TOX: variants seen among roughly 807,000 people sequenced by gnomAD.
TOX encodes thymocyte selection-associated high mobility group box protein TOX.
Under a neutral mutation model 53.7 loss-of-function variants are expected in TOX, and 11 were observed. The observed-to-expected ratio is 0.20, with a 90% confidence interval of 0.13 to 0.34. The LOEUF (loss-of-function observed/expected upper bound fraction) is 0.34. TOX is among the 10% of genes least tolerant of loss of function. The pLI, the probability that TOX is intolerant of heterozygous loss-of-function variation, is 1.00. For synonymous variants in TOX, 225 were observed against 245.3 expected (o/e 0.92, Z 0.77); for missense variants, 570 against 664.6 (o/e 0.86, Z 1.56).
rs185878695 is a variant in TOX at position 58,828,432 on chromosome 8, T to C, written c.925-1530A>G. Among the ~76,000 whole-genome samples the C allele has an allele frequency of 3.3e-3, 500 of 151,976 alleles. 1 individual carries two copies. The highest frequency in any genetic ancestry group is 0.011 in the African/African-American group (460 of 41,518). ...TAGTACAATATTATCATATAATCAA[T>C]GTGCCATCATCCTAAGTATGAAACT... On this transcript the variant is annotated intron_variant, in intron 5 of 8. Coordinates refer to ENST00000361421, the MANE Select transcript of TOX (RefSeq NM_014729.3).
At chr8:58,928,693 G>A (rs1031500366) in intron 3 of TOX, among the ~76,000 whole-genome samples, 6 of 151,808 alleles carry the variant, frequency 4.0e-5, no homozygotes, top group Non-Finnish European at 8.8e-5. Flanking sequence ...TAATAATTTT[G>A]TCTCTTGATA....
intron 1 of TOX, among the ~76,000 whole-genome samples, chr8:59,052,665 C>T (rs746083440): frequency 6.6e-6 from 1 of 152,132 alleles, no homozygotes; most frequent in African/African-American, 2.4e-5. Flanking sequence ...TCACTGGGAC[C>T]GAACTCCATT....
At chr8:58,839,550 G>GAT (rs1344955448) in intron 4 of TOX, among the ~76,000 whole-genome samples, 1 of 152,178 alleles carries the variant, frequency 6.6e-6, no homozygotes, top group Non-Finnish European at 1.5e-5. Flanking sequence ...AACTAGATGT[G>GAT]ATATCAATTC....
intron 1 of TOX, among the ~76,000 whole-genome samples, chr8:59,085,651 G>T (rs919137122): frequency 3.9e-5 from 6 of 152,190 alleles, no homozygotes; most frequent in African/African-American, 1.4e-4. Flanking sequence ...GCCTTCCATT[G>T]TTCTGGCATT....
intron 3 of TOX, among the ~76,000 whole-genome samples, chr8:58,899,389 AT>A (rs1246996503): frequency 2.0e-5 from 3 of 152,164 alleles, no homozygotes; most frequent in African/African-American, 7.2e-5. Context: ...AAAGATATAA[AT>A]TCTCTCTCTT....
chr8:59,118,877 A>C lies in TOX; in HGVS notation c.102+9T>G. ...AAGAACACGGTGGAAACAAAAGCAG[A>C]GCGTTCACCTTGTTGCAATAGTAGG... On this transcript the variant is annotated intron_variant, in intron 1 of 8. Transcript: ENST00000361421. The surrounding 1 kb of genome is among the most constrained non-coding windows in gnomAD (Gnocchi z 4.1). 1 of 1,572,630 alleles carries C rather than the reference A, an allele frequency of 6.4e-7. No homozygotes were observed.
At chr8:59,085,983 T>TC (rs201541964) in intron 1 of TOX, among the ~76,000 whole-genome samples, 40 of 88,918 alleles carry the variant, frequency 4.5e-4, no homozygotes, top group African/African-American at 2.3e-3. Context: ...TCTTTTCTTT[T>TC]TTTTTTTTTT....
chr8:59,031,545 G>A (rs1814356745), intron 1 of TOX, among the ~76,000 whole-genome samples: 1 of 152,196 alleles, frequency 6.6e-6, no homozygotes. Flanking sequence ...TTCTAGTGGG[G>A]AGAGGCAAAC....
chr8:58,903,664 G>A (rs1385422053), intron 3 of TOX, among the ~76,000 whole-genome samples: 1 of 152,136 alleles, frequency 6.6e-6, no homozygotes, highest in Non-Finnish European at 1.5e-5. Context: ...AAGTCTCACT[G>A]AATTGAGGGT....
intron 3 of TOX, among the ~76,000 whole-genome samples, chr8:58,855,167 G>A (rs374837008): frequency 1.5e-4 from 22 of 151,658 alleles, no homozygotes; most frequent in Admixed American, 6.6e-4. Context: ...TTTCTACAAC[G>A]TCCCACCTCT....
Position 58,944,520 on chromosome 8 carries a change from T to C in TOX, c.169-4976A>G, listed in dbSNP as rs193172171. Among the ~76,000 whole-genome samples, 59 of 152,332 alleles carry C rather than the reference T, an allele frequency of 3.9e-4. 1 individual carries two copies. In the East Asian group the frequency reaches 0.01, roughly 27 times the overall value. ...ACTAGGCGAGAATACGCATGACTTC[T>C]TCAGTGACTGTTAAGAATGGCCACT... On this transcript the variant is annotated intron_variant, in intron 2 of 8. Transcript: ENST00000361421.
intron 3 of TOX, among the ~76,000 whole-genome samples, chr8:58,856,271 T>C (rs997876376): frequency 1.8e-4 from 27 of 152,200 alleles, no homozygotes; most frequent in Non-Finnish European, 3.5e-4. Flanking sequence ...ACTTTCTTTA[T>C]GGGACACCAC....
intron 3 of TOX, among the ~76,000 whole-genome samples, chr8:58,887,800 C>A (rs959440236): frequency 1.3e-5 from 2 of 151,758 alleles, no homozygotes; most frequent in Non-Finnish European, 2.9e-5. Context: ...GGTTTTTATA[C>A]GTTTTATATA....
intron 1 of TOX, among the ~76,000 whole-genome samples, chr8:59,057,619 C>T (rs1040880499): frequency 6.6e-6 from 1 of 152,116 alleles, no homozygotes; most frequent in African/African-American, 2.4e-5. Context: ...TCTCCGCCCC[C>T]CGCCTTTCAG....
chr8:58,865,536 G>A (rs1585867972), intron 3 of TOX, among the ~76,000 whole-genome samples: 1 of 151,872 alleles, frequency 6.6e-6, no homozygotes, highest in East Asian at 1.9e-4. Flanking sequence ...GATTTCAAGA[G>A]AATAAATTTT....
chr8:58,934,265 A>G (rs1332052814), intron 3 of TOX, among the ~76,000 whole-genome samples: 1 of 152,226 alleles, frequency 6.6e-6, no homozygotes, highest in Non-Finnish European at 1.5e-5. Context: ...AGGAATCCCT[A>G]CTAACAATAA....
chr8:59,078,015 G>A (rs1191881059), intron 1 of TOX, among the ~76,000 whole-genome samples: 2 of 151,808 alleles, frequency 1.3e-5, no homozygotes, highest in Non-Finnish European at 1.5e-5. Flanking sequence ...GAAAAATGAA[G>A]AAAAAAGGAA....
chr8:58,939,875 G>A (rs1812407064), intron 2 of TOX, among the ~76,000 whole-genome samples: 1 of 152,198 alleles, frequency 6.6e-6, no homozygotes, highest in African/African-American at 2.4e-5. Flanking sequence ...TTGTACGGAA[G>A]GAAGGCAATT....
rs569568898 is a variant in TOX at position 58,944,233 on chromosome 8, G to A, written c.169-4689C>T. On this transcript the variant is annotated intron_variant, in intron 2 of 8. Transcript: ENST00000361421. ...AAGCAGGATCCCAGCGCCACTGAATGTGGGTTAGAGTGGAGTGAACTACCA... is the reference window on the plus strand; with the variant it reads ...AAGCAGGATCCCAGCGCCACTGAATATGGGTTAGAGTGGAGTGAACTACCA... 3.3e-5 allele frequency among the ~76,000 whole-genome samples: 5 copies of A among 152,274 alleles called. No individual in the cohort carries two copies. The South Asian group carries it at 1.0e-3, about 32-fold the overall frequency.
Sources: allele counts gnomAD v4.1 joint callset (sites outside exome capture counted in the v4.1 genomes callset), GRCh38; gene constraint gnomAD v4.1.1; non-coding constraint Gnocchi (gnomAD v3.1); transcripts MANE v1.5; gene names NCBI Gene and HGNC (gene_info 2026-07-23, HGNC 2026-07-21).